PTPN12: variants seen among roughly 807,000 people sequenced by gnomAD.
The protein encoded by PTPN12 is protein tyrosine phosphatase non-receptor type 12, also known as tyrosine-protein phosphatase non-receptor type 12.
Under a neutral mutation model 97.6 loss-of-function variants are expected in PTPN12, and 29 were observed. That is an observed-to-expected ratio of 0.30 (90% CI 0.22 to 0.41). PTPN12 has a LOEUF of 0.41. Among genes scored for constraint, PTPN12 ranks in the 10% least tolerant of loss-of-function variants. The pLI, the probability that PTPN12 is intolerant of heterozygous loss-of-function variation, is 1.00. For missense variants in PTPN12, 819 were observed against 926.0 expected (o/e 0.88, Z 1.50); for synonymous variants, 327 against 300.4 (o/e 1.09, Z -0.91).
At chr7:77,545,226 G>A (rs1458485673) in intron 1 of PTPN12, among the ~76,000 whole-genome samples, 1 of 152,092 alleles carries the variant, frequency 6.6e-6, no homozygotes, top group Admixed American at 6.6e-5. Context: ...TATTTAGAGA[G>A]TGATTACAAG....
chr7:77,537,329 G>T lies in PTPN12; in HGVS notation c.-218G>T, dbSNP rs1806700038. The stretch of plus-strand genomic sequence containing the variant: ...GCGGCTCGCCTGGTACTGTGGGAGA[G>T]CGGCGGCTGCTCCTGGAAGTTGTGG... On this transcript the variant is annotated 5_prime_UTR_variant, in exon 1 of 18. Coordinates refer to ENST00000248594, the MANE Select transcript of PTPN12 (RefSeq NM_002835.4). 1.9e-6 allele frequency: 1 copy of T among 540,100 alleles called. No individual in the cohort carries two copies. The highest frequency in any genetic ancestry group is 2.6e-5 in the South Asian group (1 of 38,502). The allele number at this position is 540,100 out of a possible 1,614,324, so 33.5% of individuals were successfully genotyped here.
rs115809659 is a variant in PTPN12 at position 77,574,648 on chromosome 7, C to G, written c.208+3462C>G. Among the ~76,000 whole-genome samples the G allele has an allele frequency of 1.8e-3, 277 of 152,226 alleles. 2 individuals carry two copies. Among genetic ancestry groups the G allele is most frequent in the African/African-American group, 6.2e-3 (256 of 41,526 alleles). On this transcript the variant is annotated intron_variant, in intron 2 of 17. Transcript: ENST00000248594. ...ACATCCTGCAGTGCATAGGATGCAG[C>G]CCCCTTCCCCAAACAAAGACTTCTC...
intron 1 of PTPN12, among the ~76,000 whole-genome samples, chr7:77,543,675 G>A (rs1359441986): frequency 3.3e-5 from 5 of 151,906 alleles, no homozygotes; most frequent in Non-Finnish European, 5.9e-5. Context: ...GTCACTCCCC[G>A]CCTTCCCATA....
intron 5 of PTPN12, among the ~76,000 whole-genome samples, chr7:77,590,864 T>TC (rs1787845984): frequency 6.6e-6 from 1 of 150,754 alleles, no homozygotes; most frequent in South Asian, 2.1e-4. Flanking sequence ...ACGCCCGGCC[T>TC]CCATCTATTA....
rs185288725 is a variant in PTPN12, at chr7:77,619,952, A to C, written c.1025+1387A>C. ...TCGATTTCCACTTTGGTATCCACCA[A>C]AACTGGTTGGCATTTTAGCCGTCTG... On this transcript the variant is annotated intron_variant, in intron 12 of 17. Coordinates refer to ENST00000248594, the MANE Select transcript of PTPN12 (RefSeq NM_002835.4). Among the ~76,000 whole-genome samples, 11 of 152,322 alleles carry C rather than the reference A, an allele frequency of 7.2e-5. No individual in the cohort carries two copies. In the East Asian group the frequency reaches 1.2e-3, roughly 16 times the overall value.
At chr7:77,637,582 C>T (rs1413295155) in intron 16 of PTPN12, among the ~76,000 whole-genome samples, 1 of 152,008 alleles carries the variant, frequency 6.6e-6, no homozygotes, top group Non-Finnish European at 1.5e-5. Flanking sequence ...TTAGGCCTGG[C>T]GTGGTGGCTC....
chr7:77,560,273 T>C (rs1562712042), intron 1 of PTPN12, among the ~76,000 whole-genome samples: 1 of 152,224 alleles, frequency 6.6e-6, no homozygotes, highest in African/African-American at 2.4e-5. Context: ...TGAGACACTT[T>C]AATGGCGCTT....
At chr7:77,585,460 T>G in intron 4 of PTPN12, 83 bp from the exon 5 acceptor site, 1 of 1,240,180 alleles carries the variant, frequency 8.1e-7, no homozygotes, top group South Asian at 1.3e-5. Flanking sequence ...GGTGCAAAAT[T>G]CTTGAAATCT....
chr7:77,619,070 A>T (rs545321734), intron 12 of PTPN12, among the ~76,000 whole-genome samples: 3 of 152,130 alleles, frequency 2.0e-5, no homozygotes, highest in Admixed American at 6.5e-5. Context: ...AGTCAGTAAC[A>T]TGGTAGTATG....
At chr7:77,559,052 A>G (rs1479170827) in intron 1 of PTPN12, among the ~76,000 whole-genome samples, 3 of 152,210 alleles carry the variant, frequency 2.0e-5, no homozygotes, top group Non-Finnish European at 4.4e-5. Context: ...TTTATGTTGA[A>G]CATCTACTTT....
At chr7:77,558,235 A>G (rs979592949) in intron 1 of PTPN12, among the ~76,000 whole-genome samples, 1 of 151,570 alleles carries the variant, frequency 6.6e-6, no homozygotes, top group African/African-American at 2.4e-5. Context: ...AAAGAAAAAG[A>G]AAAAAGAAAG....
chr7:77,631,919 A>T (rs1789411935), intron 13 of PTPN12, among the ~76,000 whole-genome samples: 1 of 152,236 alleles, frequency 6.6e-6, no homozygotes, highest in African/African-American at 2.4e-5. Flanking sequence ...CACATGTTAC[A>T]TAGTATGGCA....
chr7:77,578,396 C>A (rs1024593055), intron 2 of PTPN12, among the ~76,000 whole-genome samples: 1 of 152,000 alleles, frequency 6.6e-6, no homozygotes, highest in Non-Finnish European at 1.5e-5. Flanking sequence ...TGTAGGGTGG[C>A]GTGAAATAAA....
intron 1 of PTPN12, among the ~76,000 whole-genome samples, chr7:77,545,967 T>C (rs577784167): frequency 6.6e-6 from 1 of 152,306 alleles, no homozygotes; most frequent in African/African-American, 2.4e-5. Context: ...AAGTCTTGCT[T>C]TGTTGCCAGG....
Position 77,626,763 on chromosome 7 carries a change from G to C in PTPN12, c.1084G>C (p.Val362Leu). The change falls in exon 13 of 18, where the codon GTG (valine) becomes CTG (leucine). Residue 362 changes from valine to leucine, a missense_variant. This residue lies in a region of PTPN12 where 607 missense variants were observed against 577.3 expected (regional missense o/e 1.05). Coordinates refer to ENST00000248594, the MANE Select transcript of PTPN12 (RefSeq NM_002835.4). ...EILQPPEPHPVPPILTPSPPS... is the reference protein window; with the variant it reads ...EILQPPEPHPLPPILTPSPPS... The stretch of plus-strand genomic sequence containing the variant: ...ACTGCAGCCACCGGAACCTCATCCA[G>C]TGCCACCCATCTTGACACCTTCTCC... The C allele has an allele frequency of 1.2e-6, 2 of 1,613,524 alleles. No individual in the cohort carries two copies. The highest frequency in any genetic ancestry group is 2.2e-5 in the South Asian group (2 of 91,020).
Position 77,618,584 on chromosome 7 carries a change from C to G in PTPN12, c.1025+19C>G. On this transcript the variant is annotated intron_variant, in intron 12 of 17. Transcript: ENST00000248594. ...CCCGCAGGTATTGTATGTCTTCGAA[C>G]ATTTTCTTTAAAAGCATACTTGTTT... 6.6e-7 allele frequency: 1 copy of G among 1,522,144 alleles called. No homozygotes were observed. Among genetic ancestry groups the G allele is most frequent in the Non-Finnish European group, 9.0e-7 (1 of 1,105,096 alleles). 94.3% of individuals were successfully genotyped at this position (1,522,144 alleles called of 1,614,324 possible). A position where few individuals can be genotyped will look rare whatever the true frequency, so the allele number is the denominator to read the frequency against.
chr7:77,610,707 G>A (rs533163528), intron 9 of PTPN12, 58 bp from the exon 10 acceptor site: 1 of 1,496,406 alleles, frequency 6.7e-7, no homozygotes, highest in African/African-American at 1.4e-5. Flanking sequence ...AGCTGAAGAA[G>A]ATTTTACTAT....
chr7:77,613,167 G>GTTTTTTTTT (rs576216122), intron 11 of PTPN12, among the ~76,000 whole-genome samples: 2 of 88,558 alleles, frequency 2.3e-5, no homozygotes, highest in Non-Finnish European at 2.0e-5. Flanking sequence ...TAATTTTTGG[G>GTTTTTTTTT]TTTTTTTTTT....
chr7:77,566,082 A>G (rs528228101), intron 1 of PTPN12, among the ~76,000 whole-genome samples: 1 of 152,338 alleles, frequency 6.6e-6, no homozygotes, highest in South Asian at 2.1e-4. Flanking sequence ...GAAAGCCTTC[A>G]AAAAGGAAAT....
Sources: gnomAD v4.1 joint callset for allele counts (sites outside exome capture counted in the v4.1 genomes callset) on GRCh38, gnomAD v4.1.1 for gene constraint, gnomAD v4.1.1 regional missense constraint, MANE v1.5 for transcripts, NCBI Gene and HGNC (gene_info 2026-07-23, HGNC 2026-07-21) for gene names.